The following NKAIN2 variants were observed in gnomAD, a reference collection of about 807,000 sequenced individuals.
The protein encoded by NKAIN2 is sodium/potassium transporting ATPase interacting 2.
NKAIN2 carries 14 observed loss-of-function variants against 32.6 expected under a neutral mutation model. The observed-to-expected ratio is 0.43, with a 90% CI of 0.28 to 0.67. NKAIN2 has a LOEUF of 0.67. NKAIN2 is among the 30% of genes least tolerant of loss of function. NKAIN2 has a pLI of 0.17. For missense variants in NKAIN2, 198 were observed against 258.3 expected (o/e 0.77, Z 1.60); for synonymous variants, 80 against 87.2 (o/e 0.92, Z 0.46).
At chr6:124,303,784 A>G (rs1220420164) in intron 2 of NKAIN2, among the ~76,000 whole-genome samples, 1 of 152,242 alleles carries the variant, frequency 6.6e-6, no homozygotes, top group Non-Finnish European at 1.5e-5. Context: ...AAAAATTATC[A>G]GACCTGCAGT....
At chr6:124,617,761 T>TA (rs1232534865) in intron 3 of NKAIN2, among the ~76,000 whole-genome samples, 128 of 152,302 alleles carry the variant, frequency 8.4e-4, no homozygotes, top group Non-Finnish European at 1.5e-3. Flanking sequence ...CTACCATAGC[T>TA]CTCTATGATT....
In NKAIN2 at chr6:124,562,895, T is replaced by A. The variant is rs116534190; in HGVS notation, c.274-95291T>A. Reference sequence around the variant, plus strand: ...GAAAAGGAAAATGAAATGTTAGTATTTTTTGTTTCTTTTTTTTTTTTTTTT... The same window carrying A: ...GAAAAGGAAAATGAAATGTTAGTATATTTTGTTTCTTTTTTTTTTTTTTTT... On this transcript the variant is annotated intron_variant, in intron 3 of 6. Transcript: ENST00000368417. Among the ~76,000 whole-genome samples the A allele has an allele frequency of 3.7e-3, 565 of 151,290 alleles. 3 individuals are homozygous for A. Among genetic ancestry groups the A allele is most frequent in the African/African-American group, 0.013 (533 of 41,038 alleles).
At chr6:124,353,659 G>A (rs1330616843) in intron 2 of NKAIN2, among the ~76,000 whole-genome samples, 1 of 152,112 alleles carries the variant, frequency 6.6e-6, no homozygotes, top group Non-Finnish European at 1.5e-5. Flanking sequence ...GGAGGCTGAG[G>A]CAGGAGAATG....
intron 1 of NKAIN2, among the ~76,000 whole-genome samples, chr6:124,115,055 G>C (rs1785546241): frequency 6.6e-6 from 1 of 152,012 alleles, no homozygotes; most frequent in African/African-American, 2.4e-5. Flanking sequence ...TGACAAGCAA[G>C]AATAATAGGC....
intron 4 of NKAIN2, among the ~76,000 whole-genome samples, chr6:124,745,807 CATCCT>C (rs1381742736): frequency 2.0e-5 from 3 of 151,828 alleles, no homozygotes; most frequent in African/African-American, 7.3e-5. Context: ...TAAATATCCT[CATCCT>C]ATAAGATTGC....
intron 3 of NKAIN2, among the ~76,000 whole-genome samples, chr6:124,631,458 TGATTGTTAGTCTCTGTCTTATAATCACCA>T (rs1783563976): frequency 6.6e-6 from 1 of 152,184 alleles, no homozygotes; most frequent in African/African-American, 2.4e-5. Flanking sequence ...ATATAATATG[TGATTGTTAGTCTCTGTCTTATAATCACCA>T]GATCATTTTG....
At chr6:124,192,457 T>C (rs1413621646) in intron 1 of NKAIN2, among the ~76,000 whole-genome samples, 2 of 152,176 alleles carry the variant, frequency 1.3e-5, no homozygotes, top group Non-Finnish European at 2.9e-5. Flanking sequence ...AAGAACATAT[T>C]GTATAAGACA....
chr6:124,722,700 G>A (rs1472285800), intron 4 of NKAIN2, among the ~76,000 whole-genome samples: 1 of 152,164 alleles, frequency 6.6e-6, no homozygotes, highest in Non-Finnish European at 1.5e-5. Context: ...GTTCCTAACA[G>A]GCCACAGACT....
chr6:124,031,919 T>A, intron 1 of NKAIN2, among the ~76,000 whole-genome samples: 1 of 152,112 alleles, frequency 6.6e-6, no homozygotes, highest in Non-Finnish European at 1.5e-5. Context: ...ACCGGGTATA[T>A]ACCCAAAGGC....
intron 1 of NKAIN2, among the ~76,000 whole-genome samples, chr6:123,967,270 C>G (rs1205545718): frequency 6.6e-6 from 1 of 152,152 alleles, no homozygotes; most frequent in Non-Finnish European, 1.5e-5. Context: ...CATTGAGACT[C>G]CGAGAGTTTT....
chr6:124,458,310 G>T (rs192279121), intron 3 of NKAIN2, among the ~76,000 whole-genome samples: 1 of 152,012 alleles, frequency 6.6e-6, no homozygotes, highest in African/African-American at 2.4e-5. Context: ...AATTTGTGCA[G>T]CAGGTTTAGC....
chr6:124,157,982 CAA>C (rs1263192194), intron 1 of NKAIN2, among the ~76,000 whole-genome samples: 3 of 152,026 alleles, frequency 2.0e-5, no homozygotes. Flanking sequence ...CAGTTTTGTG[CAA>C]AAGTCTAAAT....
chr6:124,573,928 T>C (rs1781231693), intron 3 of NKAIN2, among the ~76,000 whole-genome samples: 1 of 152,220 alleles, frequency 6.6e-6, no homozygotes, highest in Non-Finnish European at 1.5e-5. Context: ...GCTTATTTGC[T>C]CTGCTAACAG....
At chr6:124,523,550 C>T (rs1276005621) in intron 3 of NKAIN2, among the ~76,000 whole-genome samples, 1 of 151,760 alleles carries the variant, frequency 6.6e-6, no homozygotes, top group Non-Finnish European at 1.5e-5. Flanking sequence ...ACAATGGCAT[C>T]TTATCACTTT....
chr6:123,818,728 T>G (rs2114881993), intron 1 of NKAIN2, among the ~76,000 whole-genome samples: 1 of 152,320 alleles, frequency 6.6e-6, no homozygotes, highest in East Asian at 1.9e-4. Flanking sequence ...GATTAAATCT[T>G]GCATCTTAAA....
intron 1 of NKAIN2, among the ~76,000 whole-genome samples, chr6:123,816,469 C>T (rs1773700029): frequency 6.6e-6 from 1 of 152,134 alleles, no homozygotes; most frequent in South Asian, 2.1e-4. Flanking sequence ...TGCTAAACTG[C>T]TTCAAAGTCC....
At chr6:124,586,702 G>A (rs1378987570) in intron 3 of NKAIN2, among the ~76,000 whole-genome samples, 1 of 151,940 alleles carries the variant, frequency 6.6e-6, no homozygotes, top group Non-Finnish European at 1.5e-5. Flanking sequence ...ATTTTCCTAA[G>A]TGAAATAAAA....
At chr6:124,374,537 C>A (rs1005383560) in intron 3 of NKAIN2, among the ~76,000 whole-genome samples, 1 of 152,040 alleles carries the variant, frequency 6.6e-6, no homozygotes, top group Admixed American at 6.6e-5. Flanking sequence ...CTCTTTTGAA[C>A]CAATTAAGGA....
chr6:124,352,145 G>A (rs1006271087), intron 2 of NKAIN2, among the ~76,000 whole-genome samples: 86 of 152,284 alleles, frequency 5.6e-4, no homozygotes, highest in African/African-American at 2.0e-3. Flanking sequence ...GAGCATCCAA[G>A]TGACAGAGCC....
Sources: allele counts gnomAD v4.1 joint callset (sites outside exome capture counted in the v4.1 genomes callset), GRCh38; gene constraint gnomAD v4.1.1; transcripts MANE v1.5; gene names NCBI Gene and HGNC (gene_info 2026-07-23, HGNC 2026-07-21).